The following ZSWIM5 variants were observed in gnomAD, a reference collection of about 807,000 sequenced individuals.
The protein encoded by ZSWIM5 is zinc finger SWIM domain-containing protein 5.
In ZSWIM5, 55 loss-of-function variants were observed where a neutral mutation model predicts 119.6. That is an observed-to-expected ratio of 0.46 (90% CI 0.37 to 0.58). The LOEUF (loss-of-function observed/expected upper bound fraction) is 0.58. Among genes scored for constraint, ZSWIM5 ranks in the 20% least tolerant of loss-of-function variants. The probability of loss-of-function intolerance (pLI) is 0.00; values close to 1 mark genes in which losing one functional copy is unlikely to be tolerated. For synonymous variants in ZSWIM5, 537 were observed against 606.9 expected (o/e 0.88, Z 1.69); for missense variants, 1,193 against 1,512.8 (o/e 0.79, Z 3.51).
At chr1:45,126,154 AT>A (rs1645620008) in intron 1 of ZSWIM5, among the ~76,000 whole-genome samples, 1 of 151,858 alleles carries the variant, frequency 6.6e-6, no homozygotes, top group Non-Finnish European at 1.5e-5. Flanking sequence ...ATCTAGGAAA[AT>A]TGAAATAAAC....
In ZSWIM5 at chr1:45,019,220, G is replaced by A. The variant is rs2148985644; in HGVS notation, c.2792C>T (p.Thr931Ile). ...SIVAATAVSH[T>I]TILRLSLDYP... ...GTCAAGACTGAGGCGCAGGATAGTG[G>A]TGTGGGATACGGCTGTGGCAGCTAC... Residue 931 changes from threonine to isoleucine, a missense_variant, in exon 14 of 14, where the codon ACC (threonine) becomes ATC (isoleucine). Coordinates refer to ENST00000359600, the MANE Select transcript of ZSWIM5 (RefSeq NM_020883.2). This position sits in a 1 kb window ranked among gnomAD's most constrained non-coding sequence, Gnocchi z 5.0. The A allele has an allele frequency of 1.9e-6, 3 of 1,613,728 alleles. No individual in the cohort carries two copies. The highest frequency in any genetic ancestry group is 2.5e-6 in the Non-Finnish European group (3 of 1,180,034).
chr1:45,088,335 TG>T lies in ZSWIM5; in HGVS notation c.596-99del. ...ATTCATCAATTCATAAATTATGTAT[TG>T]GGTATCTCCTACACACGTACATGAT... On this transcript the variant is annotated intron_variant, in intron 1 of 13. Transcript: ENST00000359600. The surrounding 1 kb of genome is among the most constrained non-coding windows in gnomAD (Gnocchi z 4.2). 1.1e-6 allele frequency: 1 copy of T among 877,646 alleles called. No homozygotes were observed. The highest frequency in any genetic ancestry group is 1.7e-6 in the Non-Finnish European group (1 of 585,804). The allele number at this position is 877,646 out of a possible 1,614,324, so 54.4% of individuals were successfully genotyped here.
intron 1 of ZSWIM5, among the ~76,000 whole-genome samples, chr1:45,198,609 A>G (rs1261659437): frequency 6.6e-6 from 1 of 152,172 alleles, no homozygotes; most frequent in Non-Finnish European, 1.5e-5. Context: ...CTCATCAAAC[A>G]AGGGCAATTC....
At chr1:45,027,611 G>T (rs1644928385) in intron 11 of ZSWIM5, among the ~76,000 whole-genome samples, 1 of 152,066 alleles carries the variant, frequency 6.6e-6, no homozygotes, top group South Asian at 2.1e-4. Flanking sequence ...GGTCAGCCTG[G>T]TCTCAAACTC....
Position 45,018,313 on chromosome 1 carries a change from C to T in ZSWIM5, c.*141G>A. ...ATTATCGACTAGAGCTGGACTTTCC[C>T]CATCCTTAGCCCTGTGGTCCTTTGG... On this transcript the variant is annotated 3_prime_UTR_variant, in exon 14 of 14. Transcript: ENST00000359600. The surrounding 1 kb of genome is among the most constrained non-coding windows in gnomAD (Gnocchi z 6.7). 3.8e-6 allele frequency: 4 copies of T among 1,049,808 alleles called. No individual in the cohort carries two copies. Among genetic ancestry groups the T allele is most frequent in the African/African-American group, 3.2e-5 (2 of 62,712 alleles). The allele number at this position is 1,049,808 out of a possible 1,614,324, so 65.0% of individuals were successfully genotyped here. A position where few individuals can be genotyped will look rare whatever the true frequency, so the allele number is the denominator to read the frequency against.
chr1:45,104,170 G>A (rs937559061), intron 1 of ZSWIM5, among the ~76,000 whole-genome samples: 1 of 152,108 alleles, frequency 6.6e-6, no homozygotes, highest in Non-Finnish European at 1.5e-5. Flanking sequence ...ACCAGCAGAA[G>A]TAAAGCAGCC....
At position 45,020,600 on chromosome 1, in the gene ZSWIM5, T is replaced by A. The variant is rs998418; in HGVS notation, c.2613+25A>T. On this transcript the variant is annotated intron_variant, in intron 12 of 13. Transcript: ENST00000359600. ...GTCACTAGGTCAGCGGTCTAAACTG[T>A]GGATGGCCTACTCTTCCTCCATACC... is the stretch of plus-strand genomic sequence containing the variant. 2.5e-6 allele frequency: 4 copies of A among 1,609,508 alleles called. No homozygotes were observed. In the South Asian group the frequency reaches 3.3e-5, roughly 13 times the overall value.
rs377383130 is a variant in ZSWIM5, at chr1:45,099,579, T to G, written c.596-11342A>C. ...CCAGCATCATCCTGATACCAAAGCC[T>G]GGCAGAGACACACAAAAAAAGAGAA... On this transcript the variant is annotated intron_variant, in intron 1 of 13. Transcript: ENST00000359600. Among the ~76,000 whole-genome samples, 130 of 152,280 alleles carry G rather than the reference T, an allele frequency of 8.5e-4. 2 individuals carry two copies. In the East Asian group the frequency reaches 0.019, roughly 23 times the overall value.
intron 1 of ZSWIM5, among the ~76,000 whole-genome samples, chr1:45,112,969 T>C (rs1645527013): frequency 1.3e-5 from 2 of 152,362 alleles, no homozygotes; most frequent in East Asian, 3.9e-4. Context: ...ATGTCAAGTG[T>C]GGCCTATTAT....
intron 1 of ZSWIM5, among the ~76,000 whole-genome samples, chr1:45,144,855 G>A (rs1307536345): frequency 5.9e-5 from 9 of 152,106 alleles, no homozygotes; most frequent in African/African-American, 2.2e-4. Context: ...CTCTGACAAA[G>A]ACACTATTAA....
At chr1:45,159,269 A>G (rs1645848964) in intron 1 of ZSWIM5, among the ~76,000 whole-genome samples, 1 of 152,184 alleles carries the variant, frequency 6.6e-6, no homozygotes, top group African/African-American at 2.4e-5. Flanking sequence ...CTGTTCCCAT[A>G]TTTATTTATT....
chr1:45,203,955 AC>A (rs1317848540), intron 1 of ZSWIM5, among the ~76,000 whole-genome samples: 6 of 152,134 alleles, frequency 3.9e-5, no homozygotes, highest in African/African-American at 1.4e-4. Flanking sequence ...CAATCAGAAA[AC>A]ATGTTTGTTT....
At chr1:45,104,285 C>T (rs1645456600) in intron 1 of ZSWIM5, among the ~76,000 whole-genome samples, 1 of 152,174 alleles carries the variant, frequency 6.6e-6, no homozygotes, top group Admixed American at 6.5e-5. Flanking sequence ...GAAAGCCTTT[C>T]TCAAAAGCTG....
intron 6 of ZSWIM5, among the ~76,000 whole-genome samples, 170 bp from the exon 7 acceptor site, chr1:45,040,708 C>T (rs1645013614): frequency 6.6e-6 from 1 of 152,188 alleles, no homozygotes; most frequent in African/African-American, 2.4e-5. Flanking sequence ...TTGAATAAAT[C>T]ACAGGTGATA....
At position 45,072,621 on chromosome 1, in the gene ZSWIM5, GT is replaced by G. The variant is rs1645228684; in HGVS notation, c.953-12375del. On this transcript the variant is annotated intron_variant, in intron 2 of 13. Transcript: ENST00000359600. This position sits in a 1 kb window ranked among gnomAD's most constrained non-coding sequence, Gnocchi z 4.1. ...GTATATGGCTAGAGATAGGGGTCTAGTTTCATTTCTTCTGCATATGGATATC... is the reference window on the plus strand; with the variant it reads ...GTATATGGCTAGAGATAGGGGTCTAGTTCATTTCTTCTGCATATGGATATC... Among the ~76,000 whole-genome samples, 2 of 151,936 alleles carry G rather than the reference GT, an allele frequency of 1.3e-5. No individual in the cohort carries two copies. Among genetic ancestry groups the G allele is most frequent in the Admixed American group, 6.5e-5 (1 of 15,276 alleles).
intron 1 of ZSWIM5, among the ~76,000 whole-genome samples, chr1:45,138,520 AAAAAG>A (rs746273063): frequency 6.6e-6 from 1 of 151,774 alleles, no homozygotes; most frequent in East Asian, 1.9e-4. Flanking sequence ...AAAAAAAAAA[AAAAAG>A]AAAGGAAGAA....
chr1:45,204,145 C>G (rs1404394713), intron 1 of ZSWIM5, among the ~76,000 whole-genome samples: 2 of 152,106 alleles, frequency 1.3e-5, no homozygotes, highest in Non-Finnish European at 2.9e-5. Flanking sequence ...AAAACTCTTC[C>G]TCTCTTTTAT....
In ZSWIM5 at chr1:45,150,171, T is replaced by TA. The variant is rs59869691; in HGVS notation, c.595+55584dup. 6.8e-3 allele frequency among the ~76,000 whole-genome samples: 636 copies of TA among 93,190 alleles called. 7 individuals are homozygous for TA. The highest frequency in any genetic ancestry group is 0.026 in the Middle Eastern group (4 of 152). 61.1% of individuals were successfully genotyped at this position (93,190 alleles called of 152,430 possible). A position where few individuals can be genotyped will look rare whatever the true frequency, so the allele number is the denominator to read the frequency against. ...GGTAACAAAGTGAGACTCTATCTCT[T>TA]AAAAAAAAAAAAAAAAAAAAGAAAA... On this transcript the variant is annotated intron_variant, in intron 1 of 13. Transcript: ENST00000359600.
intron 11 of ZSWIM5, among the ~76,000 whole-genome samples, chr1:45,027,062 G>A (rs1292566877): frequency 6.7e-6 from 1 of 149,644 alleles, no homozygotes; most frequent in Non-Finnish European, 1.5e-5. Flanking sequence ...AGTACTGATG[G>A]CCCCTCTTTC....
Sources: gnomAD v4.1 joint callset for allele counts (sites outside exome capture counted in the v4.1 genomes callset) on GRCh38, gnomAD v4.1.1 for gene constraint, Gnocchi (gnomAD v3.1) non-coding constraint, MANE v1.5 for transcripts, NCBI Gene and HGNC (gene_info 2026-07-23, HGNC 2026-07-21) for gene names.